The following DLGAP2 variants were observed in gnomAD, a reference collection of about 807,000 sequenced individuals.
DLGAP2 encodes the protein disks large-associated protein 2.
In DLGAP2, 26 loss-of-function variants were observed where a neutral mutation model predicts 100.3. The ratio of observed to expected loss-of-function variants is 0.26; its 90% CI spans 0.19 to 0.36. The LOEUF is 0.36. Among genes scored for constraint, DLGAP2 ranks in the 10% least tolerant of loss-of-function variants. The pLI is 1.00. For synonymous variants in DLGAP2, 886 were observed against 630.1 expected, an observed-to-expected ratio of 1.41 and a Z score of -6.08; for missense variants, 1,858 against 1,453.2, an observed-to-expected ratio of 1.28 and a Z score of -4.53.
intron 3 of DLGAP2, among the ~76,000 whole-genome samples, chr8:1,364,637 G>C (rs1316220177): frequency 1.3e-5 from 2 of 152,254 alleles, no homozygotes; most frequent in African/African-American, 4.8e-5. Flanking sequence ...CAGTGACACA[G>C]ATGCATTGTG....
chr8:1,420,845 G>A (rs1219575015), intron 3 of DLGAP2, among the ~76,000 whole-genome samples: 1 of 152,158 alleles, frequency 6.6e-6, no homozygotes, highest in African/African-American at 2.4e-5. Flanking sequence ...TTTCAGAGGT[G>A]CTTCCCCATC....
At chr8:964,933 A>C (rs1235257157) in intron 2 of DLGAP2, among the ~76,000 whole-genome samples, 3 of 152,098 alleles carry the variant, frequency 2.0e-5, no homozygotes, top group African/African-American at 4.8e-5. Flanking sequence ...TTCACACGGC[A>C]CTGTCGCCAC....
chr8:793,649 GAAT>G (rs1234613319), intron 1 of DLGAP2, among the ~76,000 whole-genome samples: 2 of 152,156 alleles, frequency 1.3e-5, no homozygotes, highest in Non-Finnish European at 2.9e-5. Flanking sequence ...CTGGACATGT[GAAT>G]TTGTCTAATC....
chr8:935,328 G>C (rs960859213), intron 2 of DLGAP2, among the ~76,000 whole-genome samples: 1 of 152,180 alleles, frequency 6.6e-6, no homozygotes, highest in African/African-American at 2.4e-5. Context: ...GCGGTCGTGA[G>C]CCCAGGATGC....
intron 1 of DLGAP2, among the ~76,000 whole-genome samples, chr8:856,144 A>G (rs1797271533): frequency 6.6e-6 from 1 of 152,010 alleles, no homozygotes; most frequent in African/African-American, 2.4e-5. Flanking sequence ...TTTATGTAGA[A>G]GATCCCAAAG....
At chr8:1,254,886 C>CGTGT (rs1376988723) in intron 2 of DLGAP2, among the ~76,000 whole-genome samples, 3,358 of 151,482 alleles carry the variant, frequency 0.022, 83 homozygotes, top group Middle Eastern at 0.082. Context: ...CTCTCCTGCC[C>CGTGT]GCGTGCTGTG....
intron 8 of DLGAP2, among the ~76,000 whole-genome samples, chr8:1,636,674 G>A (rs1161487647): frequency 6.6e-6 from 1 of 152,218 alleles, no homozygotes; most frequent in Non-Finnish European, 1.5e-5. Context: ...TTTCAGGCGT[G>A]TGAGCCTGGG....
intron 3 of DLGAP2, among the ~76,000 whole-genome samples, chr8:1,364,732 C>A (rs1295906754): frequency 1.3e-5 from 2 of 152,232 alleles, no homozygotes; most frequent in South Asian, 2.1e-4. Context: ...GGCCCGAACT[C>A]AGCCAGAGCT....
At chr8:1,614,474 G>T (rs761179048) in intron 6 of DLGAP2, among the ~76,000 whole-genome samples, 20 of 152,236 alleles carry the variant, frequency 1.3e-4, no homozygotes, top group Non-Finnish European at 2.8e-4. Context: ...CTCTGCCGCA[G>T]CTGCCATTGA....
chr8:1,455,704 C>T (rs1403406156), intron 3 of DLGAP2, among the ~76,000 whole-genome samples: 2 of 152,168 alleles, frequency 1.3e-5, no homozygotes, highest in Non-Finnish European at 2.9e-5. Context: ...CATCCACGCC[C>T]CCCATTTATA....
At chr8:1,575,998 G>A (rs1007820035) in intron 6 of DLGAP2, among the ~76,000 whole-genome samples, 1 of 152,140 alleles carries the variant, frequency 6.6e-6, no homozygotes, top group African/African-American at 2.4e-5. Context: ...TGGGATGGCT[G>A]GGTCAAATGG....
At chr8:1,302,219 G>A (rs1374814819) in intron 3 of DLGAP2, 1 of 150,546 alleles carries the variant, frequency 6.6e-6, no homozygotes, top group African/African-American at 2.5e-5. Flanking sequence ...GTGAGTTCCC[G>A]AGCTCTGCTC....
intron 3 of DLGAP2, among the ~76,000 whole-genome samples, chr8:1,423,309 C>T (rs995914104): frequency 1.3e-5 from 2 of 152,024 alleles, no homozygotes; most frequent in Admixed American, 6.6e-5. Context: ...ATGGGACAGA[C>T]AGGTTCCCCC....
chr8:1,433,135 G>C (rs1797505041), intron 3 of DLGAP2, among the ~76,000 whole-genome samples: 1 of 152,228 alleles, frequency 6.6e-6, no homozygotes, highest in Non-Finnish European at 1.5e-5. Context: ...CAGCAGGGGA[G>C]GAAGCCCCCG....
chr8:1,384,302 G>A (rs191584952), intron 3 of DLGAP2, among the ~76,000 whole-genome samples: 30 of 151,890 alleles, frequency 2.0e-4, no homozygotes, highest in Admixed American at 4.6e-4. Flanking sequence ...GCCTATGCCC[G>A]GCCCCTGAGA....
intron 1 of DLGAP2, among the ~76,000 whole-genome samples, chr8:779,111 C>T (rs1044445373): frequency 5.9e-5 from 9 of 152,250 alleles, no homozygotes; most frequent in East Asian, 1.9e-4. Context: ...TTCCAGGTGC[C>T]GTCCGTCACC....
intron 3 of DLGAP2, among the ~76,000 whole-genome samples, chr8:1,297,518 A>G (rs1800212713): frequency 1.4e-5 from 2 of 146,310 alleles, no homozygotes; most frequent in African/African-American, 5.0e-5. Flanking sequence ...GCATGAACAG[A>G]CACCACGTGA....
intron 1 of DLGAP2, among the ~76,000 whole-genome samples, chr8:779,604 C>T (rs1821633018): frequency 6.6e-6 from 1 of 151,944 alleles, no homozygotes; most frequent in Non-Finnish European, 1.5e-5. Context: ...GTGGGGATTA[C>T]AGGCATAAGC....
intron 8 of DLGAP2, among the ~76,000 whole-genome samples, chr8:1,655,595 T>A (rs1798264790): frequency 6.9e-6 from 1 of 145,174 alleles, no homozygotes; most frequent in South Asian, 2.4e-4. Context: ...TGTAGAAGGA[T>A]AATTAAACAT....
Sources: gnomAD v4.1 joint callset for allele counts (sites outside exome capture counted in the v4.1 genomes callset) on GRCh38, gnomAD v4.1.1 for gene constraint, MANE v1.5 for transcripts, NCBI Gene and HGNC (gene_info 2026-07-23, HGNC 2026-07-21) for gene names.